Variants in SYN3 observed in about 807,000 individuals in gnomAD.
The protein encoded by SYN3 is synapsin III, also known as synapsin-3.
SYN3 carries 35 observed loss-of-function variants against 65.8 expected under a neutral mutation model. The ratio of observed to expected loss-of-function variants is 0.53; its 90% CI spans 0.41 to 0.70. The LOEUF (loss-of-function observed/expected upper bound fraction) is 0.70, where lower values mean the gene tolerates loss of function less well. Ranked by LOEUF, SYN3 falls within the 30% of genes least tolerant of loss-of-function variation. SYN3 has a pLI of 0.00. For missense variants in SYN3, 680 were observed against 749.0 expected (o/e 0.91, Z 1.08); for synonymous variants, 270 against 292.9 (o/e 0.92, Z 0.80).
At chr22:32,643,153 A>T (rs2059927552) in intron 6 of SYN3, among the ~76,000 whole-genome samples, 1 of 152,154 alleles carries the variant, frequency 6.6e-6, no homozygotes, top group Admixed American at 6.5e-5. Flanking sequence ...ATCTCAGCTC[A>T]CTACAACCTC....
At chr22:32,727,719 T>C (rs1283896611) in intron 6 of SYN3, among the ~76,000 whole-genome samples, 1 of 152,248 alleles carries the variant, frequency 6.6e-6, no homozygotes, top group African/African-American at 2.4e-5. Context: ...TGGATTTGCA[T>C]TTCTCTAATG....
At chr22:32,567,627 G>C (rs2058692127) in intron 7 of SYN3, among the ~76,000 whole-genome samples, 1 of 152,140 alleles carries the variant, frequency 6.6e-6, no homozygotes, top group Non-Finnish European at 1.5e-5. Flanking sequence ...ATGGTCTACT[G>C]TGTGGTCGGG....
At chr22:32,573,764 GTTTT>G (rs1206847975) in intron 7 of SYN3, among the ~76,000 whole-genome samples, 5 of 108,488 alleles carry the variant, frequency 4.6e-5, no homozygotes, top group African/African-American at 1.5e-4. Flanking sequence ...GAAGGAAGGG[GTTTT>G]TTTTTTTTTT....
At position 32,527,901 on chromosome 22, in the gene SYN3, C is replaced by T; in HGVS notation, c.1318+17G>A. The T allele has an allele frequency of 6.3e-7, 1 of 1,577,652 alleles. No individual in the cohort carries two copies. The highest frequency in any genetic ancestry group is 1.3e-5 in the African/African-American group (1 of 74,138). On this transcript the variant is annotated intron_variant, in intron 12 of 13. Coordinates refer to ENST00000358763, the MANE Select transcript of SYN3 (RefSeq NM_003490.4). ...CTCACTGCATGCTTTCTTGCAGTGGCTCGTCCTGGGTCATACCTTGCGGAG... is the reference window on the plus strand; with the variant it reads ...CTCACTGCATGCTTTCTTGCAGTGGTTCGTCCTGGGTCATACCTTGCGGAG...
chr22:32,670,483 G>C (rs1215080378), intron 6 of SYN3, among the ~76,000 whole-genome samples: 1 of 152,124 alleles, frequency 6.6e-6, no homozygotes, highest in African/African-American at 2.4e-5. Flanking sequence ...GATGACGCTG[G>C]GTCTCTGAAA....
At chr22:32,530,426 C>T (rs130459) in intron 10 of SYN3, among the ~76,000 whole-genome samples, 93,694 of 151,902 alleles carry the variant, frequency 0.62, 29,347 homozygotes, top group African/African-American at 0.7. Flanking sequence ...TGGCAACCCA[C>T]GGTCCTCCCA....
chr22:32,649,403 A>G (rs564084575), intron 6 of SYN3, among the ~76,000 whole-genome samples: 2 of 152,326 alleles, frequency 1.3e-5, no homozygotes, highest in East Asian at 1.9e-4. Flanking sequence ...GACCCCTAGT[A>G]TGTACCGAGT....
chr22:32,805,894 T>C (rs1156892183), intron 6 of SYN3, among the ~76,000 whole-genome samples: 2 of 151,992 alleles, frequency 1.3e-5, no homozygotes, highest in African/African-American at 2.4e-5. Context: ...AATATGAAGA[T>C]AGCCAAAATG....
intron 6 of SYN3, among the ~76,000 whole-genome samples, chr22:32,638,220 G>A (rs62234572): frequency 0.19 from 28,313 of 152,084 alleles, 3,032 homozygotes; most frequent in Non-Finnish European, 0.24. Context: ...GTCACTCTTG[G>A]TGGGTGTCTA....
At chr22:32,691,787 G>C (rs1168952622) in intron 6 of SYN3, among the ~76,000 whole-genome samples, 1 of 152,040 alleles carries the variant, frequency 6.6e-6, no homozygotes, top group Non-Finnish European at 1.5e-5. Flanking sequence ...GGGGCAAACA[G>C]GAAGAAATGC....
intron 6 of SYN3, among the ~76,000 whole-genome samples, chr22:32,808,288 CGCT>C (rs2046819708): frequency 6.6e-6 from 1 of 152,106 alleles, no homozygotes; most frequent in Admixed American, 6.5e-5. Flanking sequence ...CAAAGCTGTC[CGCT>C]GGCCAGGCTC....
chr22:32,884,142 G>A lies in SYN3; in HGVS notation c.462-15017C>T, dbSNP rs570522720. Among the ~76,000 whole-genome samples, 189 of 152,316 alleles carry A rather than the reference G, an allele frequency of 1.2e-3. 6 individuals carry two copies. The South Asian group carries it at 0.036, about 29-fold the overall frequency. ...CAAAGTCTGGCCGAACCTGGGAAAC[G>A]TTTCTAAGCTAACACATTTCCCAAC... On this transcript the variant is annotated intron_variant, in intron 4 of 13. Transcript: ENST00000358763.
At chr22:32,617,692 T>C (rs1366316140) in intron 6 of SYN3, among the ~76,000 whole-genome samples, 1 of 151,940 alleles carries the variant, frequency 6.6e-6, no homozygotes, top group East Asian at 1.9e-4. Context: ...AGTAAAGAAT[T>C]TTTAGTAGGG....
chr22:32,787,278 C>T (rs563549778), intron 6 of SYN3, among the ~76,000 whole-genome samples: 225 of 152,146 alleles, frequency 1.5e-3, no homozygotes, highest in Non-Finnish European at 2.9e-3. Flanking sequence ...AAATTCCTGA[C>T]CTCAAGTGAT....
chr22:32,509,167 G>C lies in SYN3; in HGVS notation c.*4525C>G, dbSNP rs2057663923. Reference sequence around the variant, plus strand: ...CGGTACCATTTTATCGCGCTGACGGGAGGAAGATCTGGAAGAACTTTTCTG... The same window carrying C: ...CGGTACCATTTTATCGCGCTGACGGCAGGAAGATCTGGAAGAACTTTTCTG... On this transcript the variant is annotated 3_prime_UTR_variant, in exon 14 of 14. Transcript: ENST00000358763. 1.3e-5 allele frequency among the ~76,000 whole-genome samples: 2 copies of C among 152,188 alleles called. No homozygotes were observed. The highest frequency in any genetic ancestry group is 4.8e-5 in the African/African-American group (2 of 41,444).
Position 32,843,721 on chromosome 22 carries a change from T to C in SYN3, c.711+21194A>G, listed in dbSNP as rs184867941. Among the ~76,000 whole-genome samples, 142 of 152,324 alleles carry C rather than the reference T, an allele frequency of 9.3e-4. 1 individual carries two copies. The East Asian group carries it at 0.025, about 27-fold the overall frequency. The stretch of plus-strand genomic sequence containing the variant: ...TGCGAGCCCATGGTCCAGGCTTTTC[T>C]TCCTACCTAGAGCCTGCCTGCTGGG... On this transcript the variant is annotated intron_variant, in intron 6 of 13. Transcript: ENST00000358763.
intron 6 of SYN3, among the ~76,000 whole-genome samples, chr22:32,599,612 C>A (rs1047107613): frequency 2.0e-4 from 30 of 152,222 alleles, no homozygotes; most frequent in African/African-American, 5.3e-4. Flanking sequence ...TGAGCCACTG[C>A]GCCGGAAGTC....
At chr22:32,667,952 C>A (rs1386260849) in intron 6 of SYN3, among the ~76,000 whole-genome samples, 1 of 152,048 alleles carries the variant, frequency 6.6e-6, no homozygotes, top group Non-Finnish European at 1.5e-5. Flanking sequence ...TACCACCGTG[C>A]CCAGCTAATT....
rs34372968 is a variant in SYN3, at chr22:32,998,776, TAAAAAAA to T, written c.311+7569_311+7575del. Among the ~76,000 whole-genome samples the T allele has an allele frequency of 6.1e-5, 5 of 82,016 alleles. No individual in the cohort carries two copies. The South Asian group carries it at 1.8e-3, about 30-fold the overall frequency. 53.8% of individuals were successfully genotyped at this position (82,016 alleles called of 152,430 possible). On this transcript the variant is annotated intron_variant, in intron 2 of 13. Coordinates refer to ENST00000358763, the MANE Select transcript of SYN3 (RefSeq NM_003490.4). ...ATTCTGGTACATTCTATAGAAATAG[TAAAAAAA>T]AAAAAAAAAAAAAAAACAAAAGTCC...
Sources: gnomAD v4.1 joint callset for allele counts (sites outside exome capture counted in the v4.1 genomes callset) on GRCh38, gnomAD v4.1.1 for gene constraint, MANE v1.5 for transcripts, NCBI Gene and HGNC (gene_info 2026-07-23, HGNC 2026-07-21) for gene names.